THSD7A: variants seen among roughly 807,000 people sequenced by gnomAD.
THSD7A encodes thrombospondin type-1 domain-containing protein 7A.
A neutral mutation model predicts 231.3 loss-of-function variants in THSD7A; 96 were observed. The ratio of observed to expected loss-of-function variants is 0.41; its 90% CI spans 0.35 to 0.49. THSD7A has a LOEUF of 0.49. THSD7A is among the 20% of genes least tolerant of loss of function. The probability of loss-of-function intolerance (pLI) is 0.05; values close to 1 mark genes in which losing one functional copy is unlikely to be tolerated. For missense variants in THSD7A, 2,290 were observed against 2,070.2 expected (o/e 1.11, Z -2.06); for synonymous variants, 940 against 743.3 (o/e 1.26, Z -4.30).
chr7:11,442,922 C>T (rs181260964), intron 13 of THSD7A, among the ~76,000 whole-genome samples: 22 of 152,116 alleles, frequency 1.4e-4, no homozygotes, highest in African/African-American at 5.1e-4. Context: ...CTGTAAGTGC[C>T]TTTCTCTAGA....
chr7:11,763,200 A>G (rs1454318934), intron 1 of THSD7A, among the ~76,000 whole-genome samples: 1 of 152,108 alleles, frequency 6.6e-6, no homozygotes, highest in Admixed American at 6.6e-5. Flanking sequence ...CTGTACTTCC[A>G]TCCCACTGGT....
chr7:11,463,881 G>T (rs572771111), intron 9 of THSD7A, among the ~76,000 whole-genome samples: 1 of 152,010 alleles, frequency 6.6e-6, no homozygotes, highest in Non-Finnish European at 1.5e-5. Flanking sequence ...GTATTTTAAG[G>T]CCCAGGTGAT....
chr7:11,424,638 G>A, intron 16 of THSD7A, 58 bp downstream of exon 16: 2 of 1,602,500 alleles, frequency 1.2e-6, no homozygotes, highest in South Asian at 1.1e-5. Context: ...GTTGGCACAT[G>A]TGCAATTGGG....
intron 1 of THSD7A, among the ~76,000 whole-genome samples, chr7:11,655,479 CA>C (rs1341197064): frequency 1.3e-5 from 2 of 151,766 alleles, no homozygotes; most frequent in Non-Finnish European, 1.5e-5. Flanking sequence ...AACAGCTTTT[CA>C]ACTCCTAAAA....
chr7:11,665,085 C>T (rs1246290344), intron 1 of THSD7A, among the ~76,000 whole-genome samples: 2 of 152,014 alleles, frequency 1.3e-5, no homozygotes, highest in African/African-American at 2.4e-5. Context: ...GTTTACTTGG[C>T]TGCTTCTTGA....
intron 1 of THSD7A, among the ~76,000 whole-genome samples, chr7:11,709,607 A>C (rs1237471942): frequency 6.6e-6 from 1 of 150,952 alleles, no homozygotes; most frequent in Non-Finnish European, 1.5e-5. Context: ...CTATTTTAAA[A>C]AATACAGTAA....
rs1382165716 is a variant in THSD7A, at chr7:11,374,938, G to C, written c.*856C>G. On this transcript the variant is annotated 3_prime_UTR_variant, in exon 28 of 28. Coordinates refer to ENST00000423059, the MANE Select transcript of THSD7A (RefSeq NM_015204.3). ...ATGTCTTCATCCCACATGAAAAGAG[G>C]CAGTTTCTATGGCAATACTGGTTAA... 1.3e-5 allele frequency: 2 copies of C among 151,994 alleles called. No individual in the cohort carries two copies. Among genetic ancestry groups the C allele is most frequent in the Non-Finnish European group, 2.9e-5 (2 of 67,978 alleles). 9.4% of individuals were successfully genotyped at this position (151,994 alleles called of 1,614,324 possible).
chr7:11,443,319 T>G (rs1016968799), intron 13 of THSD7A, among the ~76,000 whole-genome samples: 36 of 152,230 alleles, frequency 2.4e-4, no homozygotes, highest in African/African-American at 8.2e-4. Context: ...AATGGCTAAT[T>G]ATGGTTTTCT....
At chr7:11,559,217 T>G (rs1468930983) in intron 4 of THSD7A, among the ~76,000 whole-genome samples, 1 of 152,134 alleles carries the variant, frequency 6.6e-6, no homozygotes, top group East Asian at 1.9e-4. Flanking sequence ...CAGAAAGAAA[T>G]GGAACCCTGT....
At chr7:11,788,538 T>G (rs1783857515) in intron 1 of THSD7A, among the ~76,000 whole-genome samples, 1 of 152,060 alleles carries the variant, frequency 6.6e-6, no homozygotes, top group African/African-American at 2.4e-5. Context: ...TGCCCATATA[T>G]GTTATTCAGG....
At chr7:11,620,324 C>T (rs1398063598) in intron 2 of THSD7A, among the ~76,000 whole-genome samples, 2 of 152,050 alleles carry the variant, frequency 1.3e-5, no homozygotes, top group Non-Finnish European at 2.9e-5. Flanking sequence ...ATTACTGATA[C>T]ACCTGTGGCA....
Position 11,590,013 on chromosome 7 carries a change from T to G in THSD7A, c.1453+447A>C, listed in dbSNP as rs570260534. Reference sequence around the variant, plus strand: ...ATTCTGTACTTATTTAAATTGAAATTGACAATTTTATTCAATATCATAATT... The same window carrying G: ...ATTCTGTACTTATTTAAATTGAAATGGACAATTTTATTCAATATCATAATT... On this transcript the variant is annotated intron_variant, in intron 4 of 27. Coordinates refer to ENST00000423059, the MANE Select transcript of THSD7A (RefSeq NM_015204.3). This position sits in a 1 kb window ranked among gnomAD's most constrained non-coding sequence, Gnocchi z 4.4. Among the ~76,000 whole-genome samples the G allele has an allele frequency of 7.2e-5, 11 of 152,342 alleles. No individual in the cohort carries two copies. The highest frequency in any genetic ancestry group is 7.2e-4 in the Admixed American group (11 of 15,308).
chr7:11,788,559 T>C (rs1783858307), intron 1 of THSD7A, among the ~76,000 whole-genome samples: 1 of 152,050 alleles, frequency 6.6e-6, no homozygotes, highest in East Asian at 1.9e-4. Flanking sequence ...ACCGAGAGTA[T>C]CTTTTAAAAT....
intron 1 of THSD7A, among the ~76,000 whole-genome samples, chr7:11,673,638 C>A (rs1304265432): frequency 6.6e-6 from 1 of 152,192 alleles, no homozygotes. Flanking sequence ...ACAGCCTCCA[C>A]TGCCCCACAC....
In THSD7A at chr7:11,698,544, A is replaced by G. The variant is rs1780472775; in HGVS notation, c.191-61583T>C. Among the ~76,000 whole-genome samples the G allele has an allele frequency of 2.6e-5, 4 of 151,396 alleles. No homozygotes were observed. The South Asian group carries it at 8.3e-4, about 31-fold the overall frequency. On this transcript the variant is annotated intron_variant, in intron 1 of 27. Coordinates refer to ENST00000423059, the MANE Select transcript of THSD7A (RefSeq NM_015204.3). ...CCAGGCAACTTCCCCAACTGGGCCTACAGAAGCAATTCCCACAGCTGCACA... is the reference window on the plus strand; with the variant it reads ...CCAGGCAACTTCCCCAACTGGGCCTGCAGAAGCAATTCCCACAGCTGCACA...
At chr7:11,793,124 TAGA>T (rs1784010913) in intron 1 of THSD7A, among the ~76,000 whole-genome samples, 1 of 151,580 alleles carries the variant, frequency 6.6e-6, no homozygotes, top group Non-Finnish European at 1.5e-5. Context: ...AAGGGACAAC[TAGA>T]AGGAGAAATT....
chr7:11,661,725 C>A (rs1393691136), intron 1 of THSD7A, among the ~76,000 whole-genome samples: 1 of 150,748 alleles, frequency 6.6e-6, no homozygotes, highest in South Asian at 2.1e-4. Context: ...AGAAAAATGT[C>A]CAAGAAGATG....
At chr7:11,455,917 T>C (rs898765047) in intron 11 of THSD7A, among the ~76,000 whole-genome samples, 5 of 152,078 alleles carry the variant, frequency 3.3e-5, no homozygotes, top group African/African-American at 1.2e-4. Flanking sequence ...TGAAAAATTA[T>C]GCTATTAATA....
chr7:11,735,724 T>A (rs1330447548), intron 1 of THSD7A, among the ~76,000 whole-genome samples: 1 of 151,898 alleles, frequency 6.6e-6, no homozygotes, highest in East Asian at 1.9e-4. Flanking sequence ...GAAACAAAAG[T>A]TGAAACAGTC....
Sources: gnomAD v4.1 joint callset for allele counts (sites outside exome capture counted in the v4.1 genomes callset) on GRCh38, gnomAD v4.1.1 for gene constraint, Gnocchi (gnomAD v3.1) non-coding constraint, MANE v1.5 for transcripts, NCBI Gene and HGNC (gene_info 2026-07-23, HGNC 2026-07-21) for gene names.